The following VRTN variants were observed in gnomAD, a reference collection of about 807,000 sequenced individuals.
The protein encoded by VRTN is vertnin.
Under a neutral mutation model 18.2 loss-of-function variants are expected in VRTN, and 5 were observed. The observed-to-expected ratio is 0.27, with a 90% CI of 0.14 to 0.58. The LOEUF (loss-of-function observed/expected upper bound fraction) is 0.58. Ranked by LOEUF, VRTN falls within the 20% of genes least tolerant of loss-of-function variation. The pLI, the probability that VRTN is intolerant of heterozygous loss-of-function variation, is 0.91. For missense variants in VRTN, 741 were observed against 939.4 expected (o/e 0.79, Z 2.76); for synonymous variants, 381 against 393.7 (o/e 0.97, Z 0.38).
intron 1 of VRTN, among the ~76,000 whole-genome samples, chr14:74,307,817 G>A (rs112838397): frequency 6.6e-6 from 1 of 151,890 alleles, no homozygotes; most frequent in Non-Finnish European, 1.5e-5. Context: ...TGCAACCTCC[G>A]CCTCCCGGGT....
intron 2 of VRTN, among the ~76,000 whole-genome samples, chr14:74,342,272 T>G (rs1186642922): frequency 6.7e-6 from 1 of 150,350 alleles, no homozygotes; most frequent in African/African-American, 2.4e-5. Context: ...ACAAGACAGA[T>G]TTGTACCATA....
chr14:74,316,522 A>C (rs531581504), intron 1 of VRTN, among the ~76,000 whole-genome samples: 2 of 151,976 alleles, frequency 1.3e-5, no homozygotes, highest in African/African-American at 4.8e-5. Flanking sequence ...ACAAACAAAC[A>C]AACAAATGAA....
intron 1 of VRTN, among the ~76,000 whole-genome samples, chr14:74,349,822 C>T (rs2085672463): frequency 6.6e-6 from 1 of 152,162 alleles, no homozygotes; most frequent in Non-Finnish European, 1.5e-5. Context: ...TTCATTCATT[C>T]CTTGGCTTTA....
At chr14:74,303,266 T>G in intron 1 of VRTN, 1 of 233,472 alleles carries the variant, frequency 4.3e-6, no homozygotes. Flanking sequence ...AAATTAGGCT[T>G]CCAGCCGGGC....
rs2085425326 is a variant in VRTN, at chr14:74,317,451, GTA to G, written c.-164+14277_-164+14278del. 2.0e-5 allele frequency among the ~76,000 whole-genome samples: 3 copies of G among 152,192 alleles called. No individual in the cohort carries two copies. The South Asian group carries it at 6.2e-4, about 32-fold the overall frequency. On this transcript the variant is annotated intron_variant, in intron 1 of 2. Transcript: ENST00000557177. Reference sequence around the variant, plus strand: ...ATTGTCTTCTAGTGAGTGCTGCAAAGTATCCTACAATAATGCACAGGACAACT... The same window carrying G: ...ATTGTCTTCTAGTGAGTGCTGCAAAGTCCTACAATAATGCACAGGACAACT...
intron 1 of VRTN, among the ~76,000 whole-genome samples, chr14:74,322,135 C>T (rs1595165628): frequency 1.3e-5 from 2 of 150,718 alleles, no homozygotes; most frequent in African/African-American, 2.4e-5. Flanking sequence ...CGTGAGCCAC[C>T]GTGCCCGGCT....
At chr14:74,311,417 AT>A (rs397966191) in intron 1 of VRTN, among the ~76,000 whole-genome samples, 3,224 of 139,198 alleles carry the variant, frequency 0.023, 105 homozygotes, top group African/African-American at 0.072. Flanking sequence ...TGCAGCTTGC[AT>A]TTTTTTTTTT....
intron 1 of VRTN, among the ~76,000 whole-genome samples, chr14:74,311,341 T>G (rs1411097315): frequency 6.6e-6 from 1 of 152,206 alleles, no homozygotes; most frequent in African/African-American, 2.4e-5. Flanking sequence ...CTTATATGTA[T>G]TAATATATTT....
intron 1 of VRTN, among the ~76,000 whole-genome samples, chr14:74,336,117 TA>T (rs2085562261): frequency 6.7e-6 from 1 of 149,700 alleles, no homozygotes; most frequent in South Asian, 2.2e-4. Flanking sequence ...GTGTGCAAAG[TA>T]AAAAAGCTGG....
At chr14:74,331,235 C>CAAA in intron 1 of VRTN, among the ~76,000 whole-genome samples, 2 of 141,166 alleles carry the variant, frequency 1.4e-5, no homozygotes, top group Admixed American at 7.2e-5. Flanking sequence ...AACAAACAAA[C>CAAA]CACAAGTCTG....
At position 74,359,079 on chromosome 14, in the gene VRTN, G is replaced by A. The variant is rs892635240; in HGVS notation, c.*187G>A. The A allele has an allele frequency of 4.3e-6, 5 of 1,166,402 alleles. No homozygotes were observed. In the African/African-American group the frequency reaches 7.7e-5, roughly 18 times the overall value. 72.3% of individuals were successfully genotyped at this position (1,166,402 alleles called of 1,614,324 possible). On this transcript the variant is annotated 3_prime_UTR_variant, in exon 2 of 2. Transcript: ENST00000256362. ...GAGAATGCCAGAAATCAGCCATCTG[G>A]TCTCCCGTAGGAAACTGTGGGACCA... is the stretch of plus-strand genomic sequence containing the variant.
At chr14:74,329,237 T>A (rs2085506384) in intron 1 of VRTN, among the ~76,000 whole-genome samples, 1 of 150,240 alleles carries the variant, frequency 6.7e-6, no homozygotes, top group South Asian at 2.1e-4. Flanking sequence ...ATCATGCCAC[T>A]GCACTCCAGC....
upstream of VRTN, among the ~76,000 whole-genome samples, chr14:74,347,292 C>G (rs953204217): frequency 1.3e-5 from 2 of 152,230 alleles, no homozygotes; most frequent in Non-Finnish European, 2.9e-5. Flanking sequence ...CCAAGACACC[C>G]GCTAAGCCAC....
At chr14:74,334,527 G>T in intron 1 of VRTN, among the ~76,000 whole-genome samples, 1 of 152,074 alleles carries the variant, frequency 6.6e-6, no homozygotes, top group Non-Finnish European at 1.5e-5. Context: ...AAGACTCCAT[G>T]TCAAACAAAC....
intron 1 of VRTN, among the ~76,000 whole-genome samples, chr14:74,323,878 T>C (rs989568491): frequency 6.6e-6 from 1 of 152,188 alleles, no homozygotes; most frequent in Non-Finnish European, 1.5e-5. Flanking sequence ...ATTATTTATA[T>C]GAAATGCAAA....
rs932583513 is a variant in VRTN at position 74,357,642 on chromosome 14, G to A, written c.859G>A (p.Glu287Lys). Residue 287 changes from glutamate (E) to lysine (K), a missense_variant, in exon 2 of 2, where the codon GAG becomes AAG. By Grantham distance (56) the Glu-to-Lys change is moderately conservative. Transcript: ENST00000256362. This position sits in a 1 kb window ranked among gnomAD's most constrained non-coding sequence, Gnocchi z 7.8. The stretch of plus-strand genomic sequence containing the variant: ...TGGCCTCAGCTACTCTCACCTCTGT[G>A]AGCGCTACAGCGTCACCAAAAGCAC... ...EPGLSYSHLCERYSVTKSTFY... is the reference protein window; with the variant it reads ...EPGLSYSHLCKRYSVTKSTFY... The A allele has an allele frequency of 8.1e-6, 13 of 1,613,964 alleles. No homozygotes were observed. The highest frequency in any genetic ancestry group is 1.0e-5 in the Non-Finnish European group (12 of 1,180,018).
At chr14:74,326,272 C>T (rs1595166897) in intron 1 of VRTN, among the ~76,000 whole-genome samples, 1 of 152,110 alleles carries the variant, frequency 6.6e-6, no homozygotes, top group Non-Finnish European at 1.5e-5. Flanking sequence ...AAGAAACAAA[C>T]AAAACCTCAG....
At chr14:74,353,220 C>T (rs559401849) in intron 1 of VRTN, among the ~76,000 whole-genome samples, 182 of 151,920 alleles carry the variant, frequency 1.2e-3, no homozygotes, top group African/African-American at 4.1e-3. Flanking sequence ...ACCCTGGGGG[C>T]GGAGGTTGTA....
At chr14:74,346,112 G>A (rs112326460), upstream of VRTN, among the ~76,000 whole-genome samples, 6 of 151,796 alleles carry the variant, frequency 4.0e-5, no homozygotes, top group African/African-American at 1.4e-4. Context: ...ACCAGTCTGG[G>A]CAACATAGGG....
Sources: allele counts gnomAD v4.1 joint callset (sites outside exome capture counted in the v4.1 genomes callset), GRCh38; gene constraint gnomAD v4.1.1; non-coding constraint Gnocchi (gnomAD v3.1); transcripts MANE v1.5; gene names NCBI Gene and HGNC (gene_info 2026-07-23, HGNC 2026-07-21).